Variants in JPH1 observed in about 807,000 individuals in gnomAD.
JPH1 encodes junctophilin-1.
A neutral mutation model predicts 53.6 loss-of-function variants in JPH1; 12 were observed. That is an observed-to-expected ratio of 0.22 (90% CI 0.14 to 0.36). JPH1 has a LOEUF of 0.36. Among genes scored for constraint, JPH1 ranks in the 10% least tolerant of loss-of-function variants. JPH1 has a pLI of 1.00. For missense variants in JPH1, 808 were observed against 905.5 expected (o/e 0.89, Z 1.38); for synonymous variants, 375 against 363.8 (o/e 1.03, Z -0.35).
At chr8:74,238,578 G>A (rs372373944) in intron 4 of JPH1, among the ~76,000 whole-genome samples, 6 of 152,290 alleles carry the variant, frequency 3.9e-5, no homozygotes, top group African/African-American at 2.4e-5. Context: ...GCACAGACAC[G>A]TGACATTGCC....
In JPH1 at chr8:74,245,181, C is replaced by CAAAAAAAAAAAAA. The variant is rs148651924; in HGVS notation, c.1259-7_1259-6insTTTTTTTTTTTTT. 8.6e-7 allele frequency: 1 copy of CAAAAAAAAAAAAA among 1,157,684 alleles called. No individual in the cohort carries two copies. Among genetic ancestry groups the CAAAAAAAAAAAAA allele is most frequent in the African/African-American group, 1.8e-5 (1 of 54,220 alleles). The allele number at this position is 1,157,684 out of a possible 1,614,324, so 71.7% of individuals were successfully genotyped here. A position where few individuals can be genotyped will look rare whatever the true frequency, so the allele number is the denominator to read the frequency against. On this transcript the variant is annotated splice_polypyrimidine_tract_variant and splice_region_variant and intron_variant, in intron 3 of 5. Coordinates refer to ENST00000342232, the MANE Select transcript of JPH1 (RefSeq NM_020647.4). ...CTGTTTGACGTAATCAGGGCCTGGC[C>CAAAAAAAAAAAAA]AAAAAAAAAAGAAAAAAGAAAAAAA...
At chr8:74,284,700 C>T (rs975182570) in intron 2 of JPH1, among the ~76,000 whole-genome samples, 18 of 151,098 alleles carry the variant, frequency 1.2e-4, no homozygotes, top group African/African-American at 4.4e-4. Flanking sequence ...GTTCTTAAGG[C>T]TTTTTTCCCC....
At chr8:74,273,432 G>C (rs1220575384) in intron 2 of JPH1, among the ~76,000 whole-genome samples, 1 of 151,972 alleles carries the variant, frequency 6.6e-6, no homozygotes, top group East Asian at 1.9e-4. Flanking sequence ...AAAATAACAA[G>C]AAAAACTAAT....
In JPH1 at chr8:74,286,752, A is replaced by T. The variant is rs140877192; in HGVS notation, c.1140-27249T>A. Among the ~76,000 whole-genome samples the T allele has an allele frequency of 1.2e-3, 182 of 152,360 alleles. 6 individuals are homozygous for T. The East Asian group carries it at 0.035, about 29-fold the overall frequency. Reference sequence around the variant, plus strand: ...AAATTCATGAAAGCAGAAATAAAATAATCTGGCTTTAAAATTTTTACTTGG... The same window carrying T: ...AAATTCATGAAAGCAGAAATAAAATTATCTGGCTTTAAAATTTTTACTTGG... On this transcript the variant is annotated intron_variant, in intron 2 of 5. Coordinates refer to ENST00000342232, the MANE Select transcript of JPH1 (RefSeq NM_020647.4).
At chr8:74,245,891 T>C in intron 3 of JPH1, among the ~76,000 whole-genome samples, 1 of 149,724 alleles carries the variant, frequency 6.7e-6, no homozygotes, top group East Asian at 1.9e-4. Flanking sequence ...AAGAGGCTAT[T>C]CTTCTGACAG....
intron 2 of JPH1, among the ~76,000 whole-genome samples, chr8:74,307,742 G>A (rs2131455603): frequency 6.6e-6 from 1 of 152,288 alleles, no homozygotes; most frequent in East Asian, 1.9e-4. Flanking sequence ...TCTAAACTTT[G>A]TTTAAAAATA....
chr8:74,267,238 C>T (rs969259648), intron 2 of JPH1, among the ~76,000 whole-genome samples: 6 of 151,932 alleles, frequency 3.9e-5, no homozygotes, highest in Admixed American at 1.3e-4. Flanking sequence ...ATGAGTTCAA[C>T]GAAAGGTGGT....
intron 4 of JPH1, among the ~76,000 whole-genome samples, chr8:74,241,785 A>G (rs926256647): frequency 6.6e-6 from 1 of 152,180 alleles, no homozygotes; most frequent in African/African-American, 2.4e-5. Context: ...CACAAATTCA[A>G]AAGAAAGATT....
At chr8:74,268,543 T>C (rs1321994351) in intron 2 of JPH1, among the ~76,000 whole-genome samples, 1 of 151,974 alleles carries the variant, frequency 6.6e-6, no homozygotes, top group Admixed American at 6.6e-5. Flanking sequence ...GCAGGCCAAA[T>C]TATTTAAAAA....
intron 2 of JPH1, among the ~76,000 whole-genome samples, chr8:74,261,518 G>A (rs1806395408): frequency 2.0e-5 from 3 of 152,132 alleles, no homozygotes; most frequent in Non-Finnish European, 4.4e-5. Flanking sequence ...CAAGAAATAT[G>A]AAATGGAAAT....
At chr8:74,265,946 TA>T (rs375807575) in intron 2 of JPH1, among the ~76,000 whole-genome samples, 252 of 140,998 alleles carry the variant, frequency 1.8e-3, no homozygotes, top group East Asian at 8.9e-3. Flanking sequence ...TGGCTACTAT[TA>T]AAAAAAAAAA....
intron 2 of JPH1, among the ~76,000 whole-genome samples, chr8:74,264,953 T>C (rs772602267): frequency 1.3e-5 from 2 of 152,204 alleles, no homozygotes; most frequent in African/African-American, 2.4e-5. Context: ...ACGGGATCGA[T>C]TGTTTCTCTT....
intron 2 of JPH1, among the ~76,000 whole-genome samples, chr8:74,274,716 G>A (rs1806799871): frequency 1.3e-5 from 2 of 152,192 alleles, no homozygotes; most frequent in Admixed American, 1.3e-4. Flanking sequence ...TTGAGGGCTT[G>A]TAAACTTTCA....
At chr8:74,309,500 T>TAA (rs1014825047) in intron 2 of JPH1, among the ~76,000 whole-genome samples, 1 of 152,198 alleles carries the variant, frequency 6.6e-6, no homozygotes, top group Non-Finnish European at 1.5e-5. Flanking sequence ...CACCTCTTCC[T>TAA]AAGTGATCTG....
chr8:74,254,929 T>C (rs1168476607), intron 3 of JPH1, among the ~76,000 whole-genome samples: 1 of 152,196 alleles, frequency 6.6e-6, no homozygotes, highest in Non-Finnish European at 1.5e-5. Flanking sequence ...TCCATGCTCA[T>C]GGGTAGGAAG....
chr8:74,313,095 TC>T (rs2131462808), intron 2 of JPH1, among the ~76,000 whole-genome samples: 1 of 152,322 alleles, frequency 6.6e-6, no homozygotes, highest in Admixed American at 6.5e-5. Flanking sequence ...TAATGATAAG[TC>T]GTTTGTTAAA....
Position 74,315,995 on chromosome 8 carries a change from A to G in JPH1, c.380-375T>C, listed in dbSNP as rs1311883290. The stretch of plus-strand genomic sequence containing the variant: ...AGACAAGGAAACAGTAGAAGATGAA[A>G]TGAATTCTATGTGTAAATTTTATTC... On this transcript the variant is annotated intron_variant, in intron 1 of 5. Coordinates refer to ENST00000342232, the MANE Select transcript of JPH1 (RefSeq NM_020647.4). The surrounding 1 kb of genome is among the most constrained non-coding windows in gnomAD (Gnocchi z 6.3). Among the ~76,000 whole-genome samples, 1 of 152,220 alleles carries G rather than the reference A, an allele frequency of 6.6e-6. No individual in the cohort carries two copies. Among genetic ancestry groups the G allele is most frequent in the African/African-American group, 2.4e-5 (1 of 41,464 alleles).
At chr8:74,262,989 G>A (rs1272336361) in intron 2 of JPH1, among the ~76,000 whole-genome samples, 5 of 152,190 alleles carry the variant, frequency 3.3e-5, no homozygotes, top group Non-Finnish European at 7.3e-5. Flanking sequence ...AACTGAAATA[G>A]TGTTTTATGA....
chr8:74,240,048 C>T (rs553377483), intron 4 of JPH1, among the ~76,000 whole-genome samples: 3 of 152,136 alleles, frequency 2.0e-5, no homozygotes, highest in African/African-American at 4.8e-5. Context: ...CTTGGCTCAC[C>T]GTAACCTCTG....
Sources: gnomAD v4.1 joint callset for allele counts (sites outside exome capture counted in the v4.1 genomes callset) on GRCh38, gnomAD v4.1.1 for gene constraint, Gnocchi (gnomAD v3.1) non-coding constraint, MANE v1.5 for transcripts, NCBI Gene and HGNC (gene_info 2026-07-23, HGNC 2026-07-21) for gene names.